RORA: variants seen among roughly 807,000 people sequenced by gnomAD.
RORA encodes the protein RAR related orphan receptor A.
A neutral mutation model predicts 69.5 loss-of-function variants in RORA; 7 were observed. The ratio of observed to expected loss-of-function variants is 0.10; its 90% CI spans 0.06 to 0.19. RORA has a LOEUF of 0.19. Ranked by LOEUF, RORA falls within the 10% of genes least tolerant of loss-of-function variation. RORA has a pLI of 1.00. For synonymous variants in RORA, 261 were observed against 240.8 expected (o/e 1.08, Z -0.78); for missense variants, 457 against 663.0 (o/e 0.69, Z 3.41).
At chr15:60,916,878 G>C (rs1227926277) in intron 1 of RORA, among the ~76,000 whole-genome samples, 1 of 152,184 alleles carries the variant, frequency 6.6e-6, no homozygotes, top group Non-Finnish European at 1.5e-5. Flanking sequence ...GTTTCGCTTA[G>C]CATACATTGC....
chr15:61,201,336 T>C (rs963397828), intron 1 of RORA, among the ~76,000 whole-genome samples: 1 of 152,206 alleles, frequency 6.6e-6, no homozygotes, highest in Non-Finnish European at 1.5e-5. Context: ...AGCCATTTGT[T>C]GGAGAGGCCT....
At chr15:60,832,824 T>C (rs1276137073) in intron 1 of RORA, among the ~76,000 whole-genome samples, 1 of 152,200 alleles carries the variant, frequency 6.6e-6, no homozygotes, top group Non-Finnish European at 1.5e-5. Flanking sequence ...ATTTCTCTCC[T>C]GCTGTTACCA....
chr15:60,814,303 T>C (rs1158585852), intron 1 of RORA, among the ~76,000 whole-genome samples: 1 of 152,166 alleles, frequency 6.6e-6, no homozygotes, highest in Non-Finnish European at 1.5e-5. Flanking sequence ...CATGTGACTC[T>C]CCTGTACTGA....
rs2080012548 is a variant in RORA, at chr15:61,213,613, C to T, written c.166+15440G>A. Among the ~76,000 whole-genome samples, 1 of 152,110 alleles carries T rather than the reference C, an allele frequency of 6.6e-6. No individual in the cohort carries two copies. Among genetic ancestry groups the T allele is most frequent in the South Asian group, 2.1e-4 (1 of 4,818 alleles). Reference sequence around the variant, plus strand: ...TCACTTTTTGCCAAAAGAATCTCCTCATTTTTCTAAAACCCGGGCAGGCAT... The same window carrying T: ...TCACTTTTTGCCAAAAGAATCTCCTTATTTTTCTAAAACCCGGGCAGGCAT... On this transcript the variant is annotated intron_variant, in intron 1 of 10. Coordinates refer to ENST00000335670, the MANE Select transcript of RORA (RefSeq NM_134261.3). The surrounding 1 kb of genome is among the most constrained non-coding windows in gnomAD (Gnocchi z 4.1).
At chr15:60,563,267 A>G (rs1425869037) in intron 2 of RORA, among the ~76,000 whole-genome samples, 2 of 152,206 alleles carry the variant, frequency 1.3e-5, no homozygotes. Context: ...GTGCCAGACA[A>G]CTGCTCAGCC....
intron 1 of RORA, among the ~76,000 whole-genome samples, chr15:60,692,224 A>G (rs2070838036): frequency 6.6e-6 from 1 of 152,208 alleles, no homozygotes; most frequent in Non-Finnish European, 1.5e-5. Flanking sequence ...TTTTTAAAAA[A>G]ATACACTTTA....
At chr15:61,205,956 C>T (rs543184418) in intron 1 of RORA, among the ~76,000 whole-genome samples, 129 of 152,302 alleles carry the variant, frequency 8.5e-4, no homozygotes, top group African/African-American at 3.0e-3. Context: ...TCAGACTCAG[C>T]AACTCTTCTA....
rs559100009 is a variant in RORA, at chr15:60,678,624, A to G, written c.196+33T>C. ...CATATGCGAATTCCAACTCTTCAGA[A>G]AACTTTGGACAGAAAAAAAATGCAT... On this transcript the variant is annotated intron_variant, in intron 2 of 10. Transcript: ENST00000335670. The G allele has an allele frequency of 1.3e-5, 20 of 1,559,730 alleles. No individual in the cohort carries two copies. The African/African-American group carries it at 1.5e-4, about 12-fold the overall frequency.
rs1355380209 is a variant in RORA, at chr15:60,586,488, G to A, written c.197-54637C>T. 2.0e-5 allele frequency among the ~76,000 whole-genome samples: 3 copies of A among 152,180 alleles called. 1 individual carries two copies. The highest frequency in any genetic ancestry group is 2.0e-4 in the Admixed American group (3 of 15,292). On this transcript the variant is annotated intron_variant, in intron 2 of 10. Coordinates refer to ENST00000335670, the MANE Select transcript of RORA (RefSeq NM_134261.3). Reference sequence around the variant, plus strand: ...TGTGTGTGTGCGTGTGCATGTGTGTGTTACAGTACTAGTCTTCAAATGACT... The same window carrying A: ...TGTGTGTGTGCGTGTGCATGTGTGTATTACAGTACTAGTCTTCAAATGACT...
intron 1 of RORA, among the ~76,000 whole-genome samples, chr15:60,811,281 T>C (rs1419572479): frequency 6.6e-6 from 1 of 152,240 alleles, no homozygotes; most frequent in Non-Finnish European, 1.5e-5. Context: ...TTTTCAGAGA[T>C]ACCTGGTGCC....
intron 1 of RORA, among the ~76,000 whole-genome samples, chr15:61,215,939 T>C (rs1427752597): frequency 6.6e-6 from 1 of 152,202 alleles, no homozygotes; most frequent in Non-Finnish European, 1.5e-5. Context: ...TACTACCGCA[T>C]ATTAGAATCG....
chr15:60,824,403 C>T (rs1184570790), intron 1 of RORA, among the ~76,000 whole-genome samples: 2 of 151,756 alleles, frequency 1.3e-5, no homozygotes, highest in Non-Finnish European at 2.9e-5. Flanking sequence ...TATCGTTTTG[C>T]TGACAGAAGA....
chr15:60,858,970 T>A (rs1034062993), intron 1 of RORA, among the ~76,000 whole-genome samples: 2 of 146,446 alleles, frequency 1.4e-5, no homozygotes, highest in African/African-American at 5.1e-5. Context: ...TGTGCTTTCA[T>A]AGGCTTCATC....
intron 2 of RORA, among the ~76,000 whole-genome samples, chr15:60,664,478 T>TCTCTTATATCTATCTATCTA (rs1309851656): frequency 3.9e-5 from 6 of 152,176 alleles, no homozygotes; most frequent in Non-Finnish European, 7.3e-5. Flanking sequence ...GAGATGGCCT[T>TCTCTTATATCTATCTATCTA]TCTATCAAAA....
rs967151862 is a variant in RORA at position 60,624,530 on chromosome 15, A to G, written c.196+54127T>C. On this transcript the variant is annotated intron_variant, in intron 2 of 10. Coordinates refer to ENST00000335670, the MANE Select transcript of RORA (RefSeq NM_134261.3). ...ATGTGTGTGTATATATATATATAGT[A>G]TATATATATTTGCTGTATATATATA... Among the ~76,000 whole-genome samples the G allele has an allele frequency of 4.2e-5, 5 of 119,478 alleles. No homozygotes were observed. In the South Asian group the frequency reaches 1.0e-3, roughly 25 times the overall value. The allele number at this position is 119,478 out of a possible 152,430, so 78.4% of individuals were successfully genotyped here.
intron 2 of RORA, among the ~76,000 whole-genome samples, chr15:60,610,015 G>C (rs1399903119): frequency 6.6e-6 from 1 of 152,180 alleles, no homozygotes; most frequent in Non-Finnish European, 1.5e-5. Context: ...GCTCGAGAGA[G>C]CCGTTTGAAG....
At chr15:60,982,141 C>G (rs142174658) in intron 1 of RORA, among the ~76,000 whole-genome samples, 81 of 152,324 alleles carry the variant, frequency 5.3e-4, no homozygotes, top group African/African-American at 1.5e-3. Context: ...AGCCAAGGGG[C>G]TCTGTGTCCA....
At chr15:61,007,903 C>T (rs1004233157) in intron 1 of RORA, among the ~76,000 whole-genome samples, 3 of 147,528 alleles carry the variant, frequency 2.0e-5, no homozygotes, top group African/African-American at 7.5e-5. Flanking sequence ...AGAAATTATC[C>T]TAATAGAAAA....
chr15:60,967,496 T>C (rs1189411825), intron 1 of RORA, among the ~76,000 whole-genome samples: 1 of 152,170 alleles, frequency 6.6e-6, no homozygotes, highest in Non-Finnish European at 1.5e-5. Context: ...CTCCTCTCCA[T>C]CCAAAATGAC....
Sources: allele counts gnomAD v4.1 joint callset (sites outside exome capture counted in the v4.1 genomes callset), GRCh38; gene constraint gnomAD v4.1.1; non-coding constraint Gnocchi (gnomAD v3.1); transcripts MANE v1.5; gene names NCBI Gene and HGNC (gene_info 2026-07-23, HGNC 2026-07-21).